DRC11: variants seen among roughly 807,000 people sequenced by gnomAD.
The protein encoded by DRC11 is IQ and AAA domain-containing protein 1.
chr2:236,406,614 C>T, the DRC11 span, among the ~76,000 whole-genome samples: 8 of 152,206 alleles, frequency 5.3e-5, no homozygotes, highest in East Asian at 1.9e-4. The surrounding 1 kb of genome is among the most constrained non-coding windows in gnomAD (Gnocchi z 4.7). Context: ...AATAATAATC[C>T]CCTTCTCTAG....
At chr2:236,440,146 C>T in the DRC11 span, among the ~76,000 whole-genome samples, 1 of 152,158 alleles carries the variant, frequency 6.6e-6, no homozygotes, top group Non-Finnish European at 1.5e-5. Context: ...TGTTATGATA[C>T]AAGCTTGTAA....
the DRC11 span, chr2:236,412,968 G>C: frequency 6.6e-6 from 1 of 152,290 alleles, no homozygotes; most frequent in African/African-American, 2.4e-5. Flanking sequence ...ATGCCTCTTG[G>C]TCAGGTGGTT....
At chr2:236,459,498 T>C in the DRC11 span, among the ~76,000 whole-genome samples, 14,640 of 121,584 alleles carry the variant, frequency 0.12, 1,247 homozygotes, top group Non-Finnish European at 0.16. Context: ...TATACGTATA[T>C]ATGTATACGT....
the DRC11 span, among the ~76,000 whole-genome samples, chr2:236,306,757 A>G: frequency 2.6e-5 from 4 of 152,310 alleles, no homozygotes; most frequent in African/African-American, 9.6e-5. The surrounding 1 kb of genome is among the most constrained non-coding windows in gnomAD (Gnocchi z 5.9). Context: ...GGAAAGAAGG[A>G]GAAGGGGCCC....
chr2:236,458,181 G>A, the DRC11 span, among the ~76,000 whole-genome samples: 1 of 152,206 alleles, frequency 6.6e-6, no homozygotes, highest in Non-Finnish European at 1.5e-5. Flanking sequence ...GGTTTAAGTA[G>A]AGGGCATCAG....
chr2:236,430,011 A>T, the DRC11 span, among the ~76,000 whole-genome samples: 1 of 151,900 alleles, frequency 6.6e-6, no homozygotes, highest in East Asian at 1.9e-4. The surrounding 1 kb of genome is among the most constrained non-coding windows in gnomAD (Gnocchi z 6.0). Flanking sequence ...GGTGGTCTTG[A>T]GTTCCTCAGC....
the DRC11 span, chr2:236,344,687 T>C: frequency 7.1e-7 from 1 of 1,408,264 alleles, no homozygotes; most frequent in Non-Finnish European, 1.0e-6. Context: ...TGCACTTCCC[T>C]CTCAGGTGTG....
the DRC11 span, among the ~76,000 whole-genome samples, chr2:236,357,616 A>AAT: frequency 8.2e-6 from 1 of 122,076 alleles, no homozygotes. Context: ...TATATTTATA[A>AAT]ATATATAAAT....
chr2:236,352,285 A>C, the DRC11 span, among the ~76,000 whole-genome samples: 1 of 152,134 alleles, frequency 6.6e-6, no homozygotes, highest in African/African-American at 2.4e-5. The surrounding 1 kb of genome is among the most constrained non-coding windows in gnomAD (Gnocchi z 7.0). Flanking sequence ...TGGAGGGAAC[A>C]GAGCCAGGTG....
chr2:236,437,750 G>C, the DRC11 span, among the ~76,000 whole-genome samples: 4 of 152,190 alleles, frequency 2.6e-5, no homozygotes, highest in Non-Finnish European at 5.9e-5. Context: ...CTTTTGAGAA[G>C]TGTCTGTTCA....
the DRC11 span, chr2:236,497,300 G>A: frequency 1.2e-6 from 2 of 1,613,792 alleles, no homozygotes; most frequent in Non-Finnish European, 1.7e-6. The surrounding 1 kb of genome is among the most constrained non-coding windows in gnomAD (Gnocchi z 5.1). Flanking sequence ...ATTCGTTTCT[G>A]GGGGTGGACG....
At chr2:236,323,556 G>T in the DRC11 span, among the ~76,000 whole-genome samples, 1 of 152,130 alleles carries the variant, frequency 6.6e-6, no homozygotes, top group African/African-American at 2.4e-5. This position sits in a 1 kb window ranked among gnomAD's most constrained non-coding sequence, Gnocchi z 6.4. Context: ...CAGGCTGGGG[G>T]GTGTGCTGGT....
At chr2:236,318,573 GTGTT>G in the DRC11 span, among the ~76,000 whole-genome samples, 44 of 126,364 alleles carry the variant, frequency 3.5e-4, no homozygotes, top group Non-Finnish European at 5.1e-4. This position sits in a 1 kb window ranked among gnomAD's most constrained non-coding sequence, Gnocchi z 7.0. Flanking sequence ...GTCCATGTGT[GTGTT>G]TGTGTGTACA....
At chr2:236,345,003 G>A in the DRC11 span, among the ~76,000 whole-genome samples, 5 of 143,356 alleles carry the variant, frequency 3.5e-5, no homozygotes, top group Admixed American at 7.0e-5. Flanking sequence ...CTTCCCTCTG[G>A]GGTGTGCAGA....
the DRC11 span, among the ~76,000 whole-genome samples, chr2:236,436,858 C>T: frequency 6.6e-6 from 1 of 152,080 alleles, no homozygotes; most frequent in Non-Finnish European, 1.5e-5. Flanking sequence ...ATTCATTTTC[C>T]AACATTGTGG....
the DRC11 span, among the ~76,000 whole-genome samples, chr2:236,466,577 C>T: frequency 2.0e-5 from 3 of 152,124 alleles, no homozygotes; most frequent in Admixed American, 2.0e-4. Flanking sequence ...AGCTTACAAT[C>T]ATGATGGAAG....
chr2:236,503,663 C>A, the DRC11 span: 1 of 1,551,010 alleles, frequency 6.4e-7, no homozygotes, highest in Non-Finnish European at 8.7e-7. The surrounding 1 kb of genome is among the most constrained non-coding windows in gnomAD (Gnocchi z 4.9). Context: ...ACGGCGTCAT[C>A]TCCTTCCACC....
At chr2:236,504,962 C>T in the DRC11 span, among the ~76,000 whole-genome samples, 17 of 152,168 alleles carry the variant, frequency 1.1e-4, no homozygotes, top group Non-Finnish European at 2.5e-4. This position sits in a 1 kb window ranked among gnomAD's most constrained non-coding sequence, Gnocchi z 5.0. Context: ...CACCCAGTCT[C>T]GGGTATGTCT....
At chr2:236,341,834 C>A in the DRC11 span, among the ~76,000 whole-genome samples, 1 of 152,164 alleles carries the variant, frequency 6.6e-6, no homozygotes, top group Admixed American at 6.5e-5. Context: ...CTTCTGGGAG[C>A]CTTTGTTCTC....
Sources: gnomAD v4.1 joint callset for allele counts (sites outside exome capture counted in the v4.1 genomes callset) on GRCh38, gnomAD v4.1.1 for gene constraint, Gnocchi (gnomAD v3.1) non-coding constraint, MANE v1.5 for transcripts, NCBI Gene and HGNC (gene_info 2026-07-23, HGNC 2026-07-21) for gene names.